SULF1: variants seen among roughly 807,000 people sequenced by gnomAD.
SULF1 encodes extracellular sulfatase Sulf-1.
Under a neutral mutation model 110.5 loss-of-function variants are expected in SULF1, and 46 were observed. The ratio of observed to expected loss-of-function variants is 0.42; its 90% confidence interval spans 0.33 to 0.53. The LOEUF (loss-of-function observed/expected upper bound fraction) is 0.53, where lower values mean the gene tolerates loss of function less well. Among genes scored for constraint, SULF1 ranks in the 20% least tolerant of loss-of-function variants. The pLI is 0.12. For synonymous variants in SULF1, 371 were observed against 387.1 expected (o/e 0.96, Z 0.49); for missense variants, 941 against 1,094.2 (o/e 0.86, Z 1.98).
chr8:69,472,217 T>C (rs1809115526), intron 1 of SULF1, among the ~76,000 whole-genome samples: 2 of 152,186 alleles, frequency 1.3e-5, no homozygotes, highest in East Asian at 1.9e-4. Flanking sequence ...CCCTGTACCA[T>C]AGCAGGGATT....
At chr8:69,651,236 A>G (rs1043370257) in intron 22 of SULF1, among the ~76,000 whole-genome samples, 5 of 151,886 alleles carry the variant, frequency 3.3e-5, no homozygotes, top group African/African-American at 1.2e-4. Context: ...TATTTTTAGT[A>G]GAGACAGGGT....
chr8:69,592,376 G>A (rs1806969667), intron 8 of SULF1, among the ~76,000 whole-genome samples: 1 of 152,188 alleles, frequency 6.6e-6, no homozygotes, highest in South Asian at 2.1e-4. Flanking sequence ...TAACAAAATA[G>A]GAGGTGGCTC....
intron 6 of SULF1, among the ~76,000 whole-genome samples, chr8:69,585,860 TTTGTACTCTCTGGATA>T (rs1168917149): frequency 1.3e-5 from 2 of 152,178 alleles, no homozygotes; most frequent in Non-Finnish European, 2.9e-5. Flanking sequence ...GTTTGGAAAA[TTTGTACTCTCTGGATA>T]TGTAAAAACG....
chr8:69,555,514 G>T (rs191925940), intron 3 of SULF1, among the ~76,000 whole-genome samples: 1 of 152,076 alleles, frequency 6.6e-6, no homozygotes, highest in African/African-American at 2.4e-5. Context: ...AAAATTAGCC[G>T]GGTGTGGTGG....
At chr8:69,598,466 A>G (rs1033013180) in intron 8 of SULF1, among the ~76,000 whole-genome samples, 5 of 151,724 alleles carry the variant, frequency 3.3e-5, no homozygotes, top group African/African-American at 1.2e-4. Context: ...ATCTCGGCTC[A>G]CTGCACCCTC....
chr8:69,636,698 C>CA (rs1336309883), intron 19 of SULF1, among the ~76,000 whole-genome samples: 1 of 152,148 alleles, frequency 6.6e-6, no homozygotes, highest in Non-Finnish European at 1.5e-5. Context: ...GCAGATGAGG[C>CA]AAAACTTCGT....
chr8:69,608,402 G>A (rs1353412668), intron 13 of SULF1, among the ~76,000 whole-genome samples: 1 of 152,182 alleles, frequency 6.6e-6, no homozygotes, highest in Non-Finnish European at 1.5e-5. Flanking sequence ...GGCTGAGGCC[G>A]GGCACGGTGG....
chr8:69,496,713 A>G (rs1343067687), intron 2 of SULF1, among the ~76,000 whole-genome samples: 1 of 152,260 alleles, frequency 6.6e-6, no homozygotes, highest in Non-Finnish European at 1.5e-5. Flanking sequence ...ACTTGGCTTC[A>G]TAAGCAAGTA....
At position 69,640,821 on chromosome 8, in the gene SULF1, A is replaced by T; in HGVS notation, c.2565A>T (p.Gly855=). The change falls in exon 22 of 23, where the codon GGA becomes GGT. Residue 855 remains glycine, a synonymous_variant. Transcript: ENST00000402687. ...TTCCTATATCAGGAAATAAAGATGG[A>T]GGAAGCTATGACCTACACAGGTATT... is the stretch of plus-strand genomic sequence containing the variant. ...PKNLDVGNKD[G]GSYDLHRGQL... 1 of 1,611,562 alleles carries T rather than the reference A, an allele frequency of 6.2e-7. No homozygotes were observed. The highest frequency in any genetic ancestry group is 1.3e-5 in the African/African-American group (1 of 74,922).
At chr8:69,501,535 A>G (rs1271184592) in intron 2 of SULF1, among the ~76,000 whole-genome samples, 1 of 152,202 alleles carries the variant, frequency 6.6e-6, no homozygotes, top group Non-Finnish European at 1.5e-5. Flanking sequence ...ACAGCACTCA[A>G]CCTTTAAACT....
At chr8:69,633,022 G>GAA (rs111362479) in intron 19 of SULF1, among the ~76,000 whole-genome samples, 1 of 96,922 alleles carries the variant, frequency 1.0e-5, no homozygotes. Context: ...CATGTCAGAA[G>GAA]AAAAAAAAAA....
chr8:69,514,363 C>T (rs1216726528), intron 3 of SULF1, among the ~76,000 whole-genome samples: 1 of 152,130 alleles, frequency 6.6e-6, no homozygotes, highest in Non-Finnish European at 1.5e-5. Flanking sequence ...AAGTGCTACA[C>T]ACTTTTACAC....
intron 3 of SULF1, among the ~76,000 whole-genome samples, chr8:69,560,089 G>T (rs944306118): frequency 1.3e-5 from 2 of 152,074 alleles, no homozygotes; most frequent in Non-Finnish European, 2.9e-5. Flanking sequence ...AGGGTCACAG[G>T]GTCCTCCAAA....
intron 3 of SULF1, among the ~76,000 whole-genome samples, chr8:69,537,800 G>T (rs997838770): frequency 5.9e-5 from 9 of 152,000 alleles, no homozygotes; most frequent in Non-Finnish European, 4.4e-5. Flanking sequence ...TCAACTTCTC[G>T]CTTTCTTCAC....
intron 15 of SULF1, among the ~76,000 whole-genome samples, chr8:69,624,851 AC>A (rs1809877156): frequency 6.6e-6 from 1 of 152,064 alleles, no homozygotes; most frequent in African/African-American, 2.4e-5. Context: ...AAGTCTACTT[AC>A]TCTCTTGATT....
intron 3 of SULF1, among the ~76,000 whole-genome samples, chr8:69,546,953 A>C (rs1218458562): frequency 6.6e-6 from 1 of 152,242 alleles, no homozygotes; most frequent in East Asian, 1.9e-4. Context: ...GTAGCAATGA[A>C]AAGGTTTGAA....
At chr8:69,551,386 C>T (rs946317758) in intron 3 of SULF1, among the ~76,000 whole-genome samples, 5 of 152,114 alleles carry the variant, frequency 3.3e-5, no homozygotes, top group South Asian at 2.1e-4. Flanking sequence ...AAAGAGAGTA[C>T]GTAGAAAGAG....
At chr8:69,559,028 G>A (rs1224172372) in intron 3 of SULF1, among the ~76,000 whole-genome samples, 1 of 152,150 alleles carries the variant, frequency 6.6e-6, no homozygotes, top group African/African-American at 2.4e-5. Flanking sequence ...AAAGAAGGAA[G>A]TCGAATTCTT....
chr8:69,518,296 T>A (rs1386355604), intron 3 of SULF1, among the ~76,000 whole-genome samples: 1 of 152,222 alleles, frequency 6.6e-6, no homozygotes, highest in Non-Finnish European at 1.5e-5. Context: ...TGTTCACCTT[T>A]TCGTTAATAT....
Sources: allele counts gnomAD v4.1 joint callset (sites outside exome capture counted in the v4.1 genomes callset), GRCh38; gene constraint gnomAD v4.1.1; transcripts MANE v1.5; gene names NCBI Gene and HGNC (gene_info 2026-07-23, HGNC 2026-07-21).